The following EPHA6 variants were observed in gnomAD, a reference collection of about 807,000 sequenced individuals.
EPHA6 encodes EPH receptor A6, also known as ephrin type-A receptor 6.
In EPHA6, 50 loss-of-function variants were observed where a neutral mutation model predicts 112.0. The observed-to-expected ratio is 0.45, with a 90% CI of 0.36 to 0.56. The LOEUF is 0.56. Ranked by LOEUF, EPHA6 falls within the 20% of genes least tolerant of loss-of-function variation. The probability of loss-of-function intolerance (pLI) is 0.00; values close to 1 mark genes in which losing one functional copy is unlikely to be tolerated. For synonymous variants in EPHA6, 529 were observed against 490.7 expected, an observed-to-expected ratio of 1.08 and a Z score of -1.03; for missense variants, 1,280 against 1,417.4, an observed-to-expected ratio of 0.90 and a Z score of 1.56.
At chr3:96,895,037 C>T (rs184692599) in intron 2 of EPHA6, among the ~76,000 whole-genome samples, 9 of 152,274 alleles carry the variant, frequency 5.9e-5, no homozygotes, top group African/African-American at 2.2e-4. Context: ...AAGCAAACCA[C>T]CATGGACAAT....
intron 3 of EPHA6, among the ~76,000 whole-genome samples, chr3:96,989,777 G>T (rs1176517907): frequency 6.6e-6 from 1 of 152,046 alleles, no homozygotes; most frequent in African/African-American, 2.4e-5. Context: ...GATCTCATGA[G>T]AACTCACTAT....
chr3:97,575,214 A>G (rs2093371109), intron 11 of EPHA6, among the ~76,000 whole-genome samples: 1 of 152,128 alleles, frequency 6.6e-6, no homozygotes, highest in African/African-American at 2.4e-5. Flanking sequence ...TTAAATGCAC[A>G]TATTGTTTAA....
chr3:97,548,849 A>G (rs894839543), intron 11 of EPHA6, among the ~76,000 whole-genome samples: 3 of 152,224 alleles, frequency 2.0e-5, no homozygotes, highest in Non-Finnish European at 4.4e-5. Flanking sequence ...AACATATACA[A>G]TCATGCACCC....
chr3:96,884,573 T>G (rs1049437348), intron 2 of EPHA6, among the ~76,000 whole-genome samples: 1 of 152,232 alleles, frequency 6.6e-6, no homozygotes, highest in Admixed American at 6.5e-5. Context: ...ACATTAATCT[T>G]GTATCCAGGA....
chr3:97,434,766 T>C (rs1471148521), intron 6 of EPHA6, among the ~76,000 whole-genome samples: 2 of 152,126 alleles, frequency 1.3e-5, no homozygotes, highest in Admixed American at 6.6e-5. Flanking sequence ...TCATCTCTGC[T>C]TCACAATCTG....
intron 11 of EPHA6, among the ~76,000 whole-genome samples, chr3:97,544,469 T>G (rs944115425): frequency 7.2e-5 from 11 of 152,230 alleles, no homozygotes; most frequent in African/African-American, 2.7e-4. Context: ...ATAAGCTTTC[T>G]GATGTGCTGC....
intron 10 of EPHA6, among the ~76,000 whole-genome samples, chr3:97,531,896 C>A (rs191639485): frequency 1.3e-5 from 2 of 151,916 alleles, no homozygotes; most frequent in Non-Finnish European, 2.9e-5. Context: ...CATCAATTGA[C>A]CCTAACATTA....
rs928368028 is a variant in EPHA6, at chr3:97,511,619, C to T, written c.2201-20739C>T. Among the ~76,000 whole-genome samples the T allele has an allele frequency of 3.3e-5, 5 of 152,254 alleles. No individual in the cohort carries two copies. The East Asian group carries it at 9.7e-4, about 29-fold the overall frequency. On this transcript the variant is annotated intron_variant, in intron 10 of 17. Coordinates refer to ENST00000389672, the MANE Select transcript of EPHA6 (RefSeq NM_001080448.3). ...CTGGGAGCTGCAGACCGGAGCTGTT[C>T]CTATTAGGCCATCTTGCTAGCCCTA...
intron 13 of EPHA6, among the ~76,000 whole-genome samples, chr3:97,617,357 T>A (rs1307269147): frequency 6.6e-6 from 1 of 151,912 alleles, no homozygotes; most frequent in Admixed American, 6.6e-5. Context: ...CACTATAAAT[T>A]AACCACATAA....
chr3:96,972,592 A>G (rs973756252), intron 2 of EPHA6, among the ~76,000 whole-genome samples: 1 of 152,046 alleles, frequency 6.6e-6, no homozygotes, highest in Non-Finnish European at 1.5e-5. Flanking sequence ...CTGATATTTC[A>G]TTTCCTTAAA....
chr3:97,352,071 T>C (rs1306108435), intron 5 of EPHA6, among the ~76,000 whole-genome samples: 1 of 152,092 alleles, frequency 6.6e-6, no homozygotes, highest in Non-Finnish European at 1.5e-5. Context: ...TGGATAGAAT[T>C]AAGAGTAGAT....
chr3:97,240,631 A>G (rs945452033), intron 4 of EPHA6, among the ~76,000 whole-genome samples: 5 of 151,880 alleles, frequency 3.3e-5, no homozygotes, highest in East Asian at 3.9e-4. Flanking sequence ...AACGTGAAAC[A>G]TAAATCTGTA....
intron 14 of EPHA6, among the ~76,000 whole-genome samples, chr3:97,679,383 G>A (rs972492808): frequency 1.3e-5 from 2 of 152,118 alleles, no homozygotes; most frequent in Non-Finnish European, 2.9e-5. Context: ...TTTGAAGTGT[G>A]TGGGTTCCTC....
intron 3 of EPHA6, among the ~76,000 whole-genome samples, chr3:97,153,888 G>A (rs1445079351): frequency 6.6e-6 from 1 of 152,098 alleles, no homozygotes; most frequent in Non-Finnish European, 1.5e-5. Context: ...AACTTCGGCT[G>A]AGTGCAGTGG....
rs115260467 is a variant in EPHA6 at position 97,139,676 on chromosome 3, G to A, written c.1115-86588G>A. ...ATGTGCAACACTCCCACCCTCGGGG[G>A]GAAACAAATCCCTCCCAAACAAAAG... On this transcript the variant is annotated intron_variant, in intron 3 of 17. Coordinates refer to ENST00000389672, the MANE Select transcript of EPHA6 (RefSeq NM_001080448.3). Among the ~76,000 whole-genome samples the A allele has an allele frequency of 3.4e-3, 514 of 152,148 alleles. 1 individual carries two copies. The highest frequency in any genetic ancestry group is 0.012 in the African/African-American group (478 of 41,500).
At chr3:96,880,382 C>G (rs946537433) in intron 2 of EPHA6, among the ~76,000 whole-genome samples, 3 of 152,092 alleles carry the variant, frequency 2.0e-5, no homozygotes, top group African/African-American at 7.2e-5. Context: ...TACAAATAAC[C>G]TTTGAAGAAA....
At chr3:96,919,692 G>A (rs2039663263) in intron 2 of EPHA6, among the ~76,000 whole-genome samples, 1 of 151,812 alleles carries the variant, frequency 6.6e-6, no homozygotes, top group Admixed American at 6.6e-5. Flanking sequence ...AAGTAGAAAT[G>A]TGTGTCCATC....
chr3:97,111,713 A>C (rs1256686742), intron 3 of EPHA6, among the ~76,000 whole-genome samples: 1 of 152,038 alleles, frequency 6.6e-6, no homozygotes, highest in Non-Finnish European at 1.5e-5. Flanking sequence ...TCCTCCATTC[A>C]AGCAATGTAC....
chr3:97,257,987 G>A (rs1363960917), intron 5 of EPHA6, among the ~76,000 whole-genome samples: 1 of 151,970 alleles, frequency 6.6e-6, no homozygotes, highest in Non-Finnish European at 1.5e-5. Context: ...TCTGTGTGGT[G>A]TGTTTATAGT....
Sources: allele counts gnomAD v4.1 joint callset (sites outside exome capture counted in the v4.1 genomes callset), GRCh38; gene constraint gnomAD v4.1.1; transcripts MANE v1.5; gene names NCBI Gene and HGNC (gene_info 2026-07-23, HGNC 2026-07-21).